The following GRM6 variants were observed in gnomAD, a reference collection of about 807,000 sequenced individuals.
GRM6 encodes the protein glutamate metabotropic receptor 6, also known as metabotropic glutamate receptor 6.
In GRM6, 73 loss-of-function variants were observed where a neutral mutation model predicts 78.4. The ratio of observed to expected loss-of-function variants is 0.93; its 90% CI spans 0.77 to 1.13. The LOEUF (loss-of-function observed/expected upper bound fraction) is 1.13. Among genes scored for constraint, GRM6 ranks in the 50% most tolerant of loss-of-function variants. The probability of loss-of-function intolerance (pLI) is 0.00; values close to 1 mark genes in which losing one functional copy is unlikely to be tolerated. For synonymous variants in GRM6, 580 were observed against 555.0 expected (o/e 1.05, Z -0.63); for missense variants, 1,251 against 1,256.4 (o/e 1.00, Z 0.07).
rs753269547 is a variant in GRM6 at position 178,986,111 on chromosome 5, T to C, written c.2124+19A>G. 1.2e-5 allele frequency: 20 copies of C among 1,609,866 alleles called. No homozygotes were observed. Among genetic ancestry groups the C allele is most frequent in the Non-Finnish European group, 8.5e-7 (1 of 1,177,942 alleles). Reference sequence around the variant, plus strand: ...CAGTCCCCCTCCCTGCCCTGGCCCTTGGGAGCCTACGGACCCACCTGCAGG... The same window carrying C: ...CAGTCCCCCTCCCTGCCCTGGCCCTCGGGAGCCTACGGACCCACCTGCAGG... On this transcript the variant is annotated intron_variant, in intron 9 of 10. Coordinates refer to ENST00000517717, the MANE Select transcript of GRM6 (RefSeq NM_000843.4).
At chr5:178,987,132 C>T (rs1379690052) in intron 7 of GRM6, 149 bp from the exon 8 acceptor site, 2 of 798,436 alleles carry the variant, frequency 2.5e-6, no homozygotes, top group Non-Finnish European at 4.2e-6. Flanking sequence ...CAGGGAGATC[C>T]CCCTTCACCC....
chr5:178,994,261 G>A (rs1047086302), intron 2 of GRM6, among the ~76,000 whole-genome samples, 180 bp downstream of exon 2: 30 of 152,220 alleles, frequency 2.0e-4, no homozygotes, highest in Non-Finnish European at 3.4e-4. Flanking sequence ...TGGAGTGTTT[G>A]GGTGGAGCCG....
At chr5:178,987,337 G>A (rs752687527) in intron 7 of GRM6, 3 of 488,114 alleles carry the variant, frequency 6.1e-6, no homozygotes, top group Non-Finnish European at 1.2e-5. Flanking sequence ...TAGAAAGCAG[G>A]GTGGCAAGAA....
Position 178,989,400 on chromosome 5 carries a change from C to G in GRM6, c.1018G>C (p.Asp340His), listed in dbSNP as rs533525913. ...AGGGATCGAGTCATGAAGTACTGGT[C>G]AAATCCTACAGACAGGGAAGAAGGG... is the stretch of plus-strand genomic sequence containing the variant. ...LPKRASIDGF[D>H]QYFMTRSLEN... The change falls in exon 6 of 11, where the codon GAC (aspartate) becomes CAC (histidine). Residue 340 changes from aspartate to histidine, a missense_variant. Physicochemically the swap from Asp to His is moderately conservative, Grantham distance 81 (BLOSUM62 -1). Transcript: ENST00000517717. 6 of 1,613,984 alleles carry G rather than the reference C, an allele frequency of 3.7e-6. No individual in the cohort carries two copies. The highest frequency in any genetic ancestry group is 5.1e-6 in the Non-Finnish European group (6 of 1,180,020).
At chr5:178,987,222 T>G (rs984760317) in intron 7 of GRM6, 2 of 661,714 alleles carry the variant, frequency 3.0e-6, no homozygotes, top group Non-Finnish European at 5.6e-6. Flanking sequence ...TTGTGCACGG[T>G]GGGTGGGAAA....
Position 178,988,821 on chromosome 5 carries a change from T to G in GRM6, c.1354+114A>C. On this transcript the variant is annotated intron_variant, in intron 7 of 10. Coordinates refer to ENST00000517717, the MANE Select transcript of GRM6 (RefSeq NM_000843.4). The surrounding 1 kb of genome is among the most constrained non-coding windows in gnomAD (Gnocchi z 6.0). ...TGGCACTCAGCCCCAGGCACCCCCA[T>G]TAGACCACTCAGCCTCACCCAGCCC... The G allele has an allele frequency of 2.4e-6, 2 of 831,020 alleles. No individual in the cohort carries two copies. Among genetic ancestry groups the G allele is most frequent in the East Asian group, 2.7e-5 (1 of 37,600 alleles). The allele number at this position is 831,020 out of a possible 1,614,324, so 51.5% of individuals were successfully genotyped here. A position where few individuals can be genotyped will look rare whatever the true frequency, so the allele number is the denominator to read the frequency against.
Position 178,994,683 on chromosome 5 carries a change from CG to C in GRM6, c.261del (p.Gly88AlafsTer23). The C allele has an allele frequency of 6.8e-7, 1 of 1,469,406 alleles. No individual in the cohort carries two copies. The highest frequency in any genetic ancestry group is 2.2e-5 in the Admixed American group (1 of 44,556). The allele number at this position is 1,469,406 out of a possible 1,614,324, so 91.0% of individuals were successfully genotyped here. ...DRVNADPELL[P>X]GVRLGARLLD... ...AGCAGCCGCGCGCCCAGGCGCACGC[CG>C]GGCAGCAGCTCGGGGTCGGCGTTGA... On this transcript the variant is annotated frameshift_variant, in exon 2 of 11. Coordinates refer to ENST00000517717, the MANE Select transcript of GRM6 (RefSeq NM_000843.4). LOFTEE classifies it high-confidence loss of function.
In GRM6 at chr5:178,991,866, C is replaced by A; in HGVS notation, c.721+1G>T. The A allele has an allele frequency of 6.2e-7, 1 of 1,613,066 alleles. No individual in the cohort carries two copies. Among genetic ancestry groups the A allele is most frequent in the Admixed American group, 1.7e-5 (1 of 60,018 alleles). On this transcript the variant is annotated splice_donor_variant, in intron 3 of 10. Coordinates refer to ENST00000517717, the MANE Select transcript of GRM6 (RefSeq NM_000843.4). LOFTEE classifies it high-confidence loss of function. The surrounding 1 kb of genome is among the most constrained non-coding windows in gnomAD (Gnocchi z 5.0). ...TTGGTGCCTCGGAGCCCCCAGCTCA[C>A]CAGCCTCTCGGGAGATCTGAACGAA...
chr5:178,987,047 GC>G, intron 7 of GRM6, 64 bp from the exon 8 acceptor site: 1 of 1,538,628 alleles, frequency 6.5e-7, no homozygotes. Flanking sequence ...TCCTGGGGAG[GC>G]CCCAGGGACC....
At position 178,992,173 on chromosome 5, in the gene GRM6, A is replaced by C. The variant is rs1187365658; in HGVS notation, c.505-90T>G. The C allele has an allele frequency of 1.2e-6, 1 of 858,256 alleles. No individual in the cohort carries two copies. Among genetic ancestry groups the C allele is most frequent in the Admixed American group, 2.0e-5 (1 of 50,442 alleles). 53.2% of individuals were successfully genotyped at this position (858,256 alleles called of 1,614,324 possible). On this transcript the variant is annotated intron_variant, in intron 2 of 10. Coordinates refer to ENST00000517717, the MANE Select transcript of GRM6 (RefSeq NM_000843.4). The surrounding 1 kb of genome is among the most constrained non-coding windows in gnomAD (Gnocchi z 4.9). ...GGGGGGCCCAGGACACGGACGGGGCACAGAAGGTGTGTGGCATGGACCTGG... is the reference window on the plus strand; with the variant it reads ...GGGGGGCCCAGGACACGGACGGGGCCCAGAAGGTGTGTGGCATGGACCTGG...
intron 7 of GRM6, chr5:178,987,319 C>G: frequency 2.0e-6 from 1 of 503,116 alleles, no homozygotes; most frequent in Non-Finnish European, 3.9e-6. Context: ...GGTAGATACT[C>G]GAGAGACTAG....
Position 178,992,761 on chromosome 5 carries a change from G to A in GRM6, c.505-678C>T, listed in dbSNP as rs568649978. Among the ~76,000 whole-genome samples, 8 of 152,066 alleles carry A rather than the reference G, an allele frequency of 5.3e-5. No individual in the cohort carries two copies. The highest frequency in any genetic ancestry group is 1.0e-4 in the Non-Finnish European group (7 of 67,986). On this transcript the variant is annotated intron_variant, in intron 2 of 10. Coordinates refer to ENST00000517717, the MANE Select transcript of GRM6 (RefSeq NM_000843.4). The surrounding 1 kb of genome is among the most constrained non-coding windows in gnomAD (Gnocchi z 4.9). ...CAGGAGCTGGTGTGAAGGCCAGAGAGGGGGAGTTTCTGGAAGGAGGGAGGG... is the reference window on the plus strand; with the variant it reads ...CAGGAGCTGGTGTGAAGGCCAGAGAAGGGGAGTTTCTGGAAGGAGGGAGGG...
At chr5:178,982,010 G>A (rs558406753) in intron 10 of GRM6, among the ~76,000 whole-genome samples, 156 bp from the exon 11 acceptor site, 38 of 152,298 alleles carry the variant, frequency 2.5e-4, no homozygotes, top group Non-Finnish European at 3.8e-4. Flanking sequence ...CAGGGGCCCC[G>A]CGCCTGAGGG....
Position 178,981,700 on chromosome 5 carries a change from A to T in GRM6, c.2591T>A (p.Val864Glu). The T allele has an allele frequency of 6.2e-7, 1 of 1,614,012 alleles. No homozygotes were observed. The highest frequency in any genetic ancestry group is 1.1e-5 in the South Asian group (1 of 91,074). ...RKRSLKATST[V>E]AAPPKGEDAE... ...ATCCTCGCCCTTGGGTGGGGCTGCC[A>T]CCGTGGAGGTGGCCTTGAGGCTCCG... is the stretch of plus-strand genomic sequence containing the variant. The change falls in exon 11 of 11, where the codon GTG (valine) becomes GAG (glutamate). Residue 864 changes from valine to glutamate, a missense_variant. Transcript: ENST00000517717. This position sits in a 1 kb window ranked among gnomAD's most constrained non-coding sequence, Gnocchi z 5.1.
In GRM6 at chr5:178,986,300, C is replaced by T. The variant is rs150850494; in HGVS notation, c.1954G>A (p.Ala652Thr). ...CCCAGGCCCAGGAAGAGCCTGCGGGCGGCACAGACCGCGGCCCCAGGCTCA... is the reference window on the plus strand; with the variant it reads ...CCCAGGCCCAGGAAGAGCCTGCGGGTGGCACAGACCGCGGCCCCAGGCTCA... ...VAEPGAAVCA[A>T]RRLFLGLGTT... The change falls in exon 9 of 11, where the codon GCC (alanine) becomes ACC (threonine). Residue 652 changes from alanine (A) to threonine (T), a missense_variant. Physicochemically the swap from Ala to Thr is moderately conservative, Grantham distance 58. Coordinates refer to ENST00000517717, the MANE Select transcript of GRM6 (RefSeq NM_000843.4). 143 of 1,613,922 alleles carry T rather than the reference C, an allele frequency of 8.9e-5. No homozygotes were observed. The highest frequency in any genetic ancestry group is 1.1e-4 in the Non-Finnish European group (125 of 1,179,964).
chr5:178,986,941 G>A lies in GRM6; in HGVS notation c.1397C>T (p.Ala466Val), dbSNP rs755386646. The A allele has an allele frequency of 3.2e-5, 52 of 1,613,760 alleles. No homozygotes were observed. Among genetic ancestry groups the A allele is most frequent in the Admixed American group, 1.7e-4 (10 of 59,986 alleles). Residue 466 changes from alanine to valine, a missense_variant, in exon 8 of 11, where the codon GCG becomes GTG. Ala to Val is a moderately conservative substitution (Grantham distance 64). Transcript: ENST00000517717. ...TPVMFNENGD[A>V]PGRYDIFQYQ... ...CTGGAAGATGTCGTACCGCCCGGGC[G>A]CATCTCCGTTCTCGTTGAACATCAC...
chr5:178,986,409 G>A lies in GRM6; in HGVS notation c.1845C>T (p.Ile615=), dbSNP rs201328889. The A allele has an allele frequency of 5.5e-5, 88 of 1,613,782 alleles. No individual in the cohort carries two copies. Among genetic ancestry groups the A allele is most frequent in the South Asian group, 1.9e-4 (17 of 91,084 alleles). Residue 615 remains isoleucine, a synonymous_variant, in exon 9 of 11, where the codon ATC becomes ATT. Coordinates refer to ENST00000517717, the MANE Select transcript of GRM6 (RefSeq NM_000843.4). ...TGAGCTCTCGGCCCGAGGCCCGGACGATGGGCGTGTTGTTGTACCGCACGA... is the reference window on the plus strand; with the variant it reads ...TGAGCTCTCGGCCCGAGGCCCGGACAATGGGCGTGTTGTTGTACCGCACGA... ...ATFVRYNNTP[I]VRASGRELSY...
In GRM6 at chr5:178,985,731, C is replaced by A. The variant is rs1051220323; in HGVS notation, c.2124+399G>T. 5.6e-5 allele frequency: 24 copies of A among 428,970 alleles called. No homozygotes were observed. In the East Asian group the frequency reaches 1.7e-3, roughly 30 times the overall value. The allele number at this position is 428,970 out of a possible 1,614,324, so 26.6% of individuals were successfully genotyped here. A position where few individuals can be genotyped will look rare whatever the true frequency, so the allele number is the denominator to read the frequency against. On this transcript the variant is annotated intron_variant, in intron 9 of 10. Coordinates refer to ENST00000517717, the MANE Select transcript of GRM6 (RefSeq NM_000843.4). ...AAAAAAAAACAAAACAACACAGGAACCAAAATAGAAAAGAGTGACTCTAAA... is the reference window on the plus strand; with the variant it reads ...AAAAAAAAACAAAACAACACAGGAAACAAAATAGAAAAGAGTGACTCTAAA...
chr5:178,983,128 C>T lies in GRM6; in HGVS notation c.2218G>A (p.Gly740Arg). 6.2e-7 allele frequency: 1 copy of T among 1,613,688 alleles called. No homozygotes were observed. Among genetic ancestry groups the T allele is most frequent in the Non-Finnish European group, 8.5e-7 (1 of 1,179,638 alleles). ...QRTVDPEQAR[G>R]VLKCDMSDLS... The stretch of plus-strand genomic sequence containing the variant: ...TCCGACATGTCGCACTTGAGCACCC[C>T]TCTGGCCTGCTCGGGGTCCACCGTC... Residue 740 changes from glycine to arginine, a missense_variant, in exon 10 of 11, where the codon GGG (glycine) becomes AGG (arginine). Gly to Arg is a moderately radical substitution (Grantham distance 125). Coordinates refer to ENST00000517717, the MANE Select transcript of GRM6 (RefSeq NM_000843.4).
Sources: gnomAD v4.1 joint callset for allele counts (sites outside exome capture counted in the v4.1 genomes callset) on GRCh38, gnomAD v4.1.1 for gene constraint, Gnocchi (gnomAD v3.1) non-coding constraint, MANE v1.5 for transcripts, NCBI Gene and HGNC (gene_info 2026-07-23, HGNC 2026-07-21) for gene names.